Variants in KHDRBS3 observed in about 807,000 individuals in gnomAD.
KHDRBS3 encodes the protein KH RNA binding domain containing, signal transduction associated 3.
In KHDRBS3, 23 loss-of-function variants were observed where a neutral mutation model predicts 45.6. That is an observed-to-expected ratio of 0.50 (90% CI 0.36 to 0.72). The LOEUF (loss-of-function observed/expected upper bound fraction) is 0.72, where lower values mean the gene tolerates loss of function less well. Ranked by LOEUF, KHDRBS3 falls within the 30% of genes least tolerant of loss-of-function variation. KHDRBS3 has a pLI of 0.00. For synonymous variants in KHDRBS3, 162 were observed against 156.5 expected (o/e 1.04, Z -0.26); for missense variants, 352 against 424.8 (o/e 0.83, Z 1.51).
chr8:135,620,224 C>T (rs1035423986), intron 7 of KHDRBS3, among the ~76,000 whole-genome samples: 14 of 152,066 alleles, frequency 9.2e-5, no homozygotes, highest in African/African-American at 2.4e-4. Context: ...AGGCACGAGA[C>T]GGTGCCACTG....
chr8:135,524,383 G>A (rs1173545413), intron 2 of KHDRBS3, among the ~76,000 whole-genome samples: 1 of 152,190 alleles, frequency 6.6e-6, no homozygotes, highest in African/African-American at 2.4e-5. Flanking sequence ...GACTTGGGAA[G>A]TGTTTCTTTC....
chr8:135,609,091 C>T (rs1023560246), intron 7 of KHDRBS3, among the ~76,000 whole-genome samples: 8 of 152,140 alleles, frequency 5.3e-5, no homozygotes, highest in Non-Finnish European at 1.2e-4. Flanking sequence ...TTAGGCTACA[C>T]TCAATTTATT....
chr8:135,493,147 G>A (rs902918534), intron 1 of KHDRBS3, among the ~76,000 whole-genome samples: 3 of 151,282 alleles, frequency 2.0e-5, no homozygotes, highest in African/African-American at 7.3e-5. Context: ...GCACGATCTC[G>A]GCTCACTGCA....
intron 7 of KHDRBS3, among the ~76,000 whole-genome samples, chr8:135,644,707 T>C (rs1332082692): frequency 6.6e-6 from 1 of 152,224 alleles, no homozygotes; most frequent in Non-Finnish European, 1.5e-5. Flanking sequence ...GCTAGAATTG[T>C]CCACACACAT....
At chr8:135,491,681 G>A (rs1020882401) in intron 1 of KHDRBS3, among the ~76,000 whole-genome samples, 1 of 152,190 alleles carries the variant, frequency 6.6e-6, no homozygotes, top group African/African-American at 2.4e-5. Context: ...GTGGTTCTCA[G>A]TGTGTCATTC....
chr8:135,655,800 C>T (rs189580470), intron 4 of KHDRBS3, among the ~76,000 whole-genome samples: 234 of 152,210 alleles, frequency 1.5e-3, no homozygotes, highest in African/African-American at 5.5e-3. Context: ...TTTCGTATGA[C>T]ACATCAAAAT....
At chr8:135,642,468 AT>A (rs538415868) in intron 7 of KHDRBS3, among the ~76,000 whole-genome samples, 2 of 152,206 alleles carry the variant, frequency 1.3e-5, no homozygotes, top group South Asian at 4.2e-4. Flanking sequence ...TTTCTTCTAA[AT>A]TTTTTTAGGA....
At chr8:135,521,141 T>C in intron 1 of KHDRBS3, 96 bp from the exon 2 acceptor site, 1 of 714,556 alleles carries the variant, frequency 1.4e-6, no homozygotes, top group Non-Finnish European at 2.5e-6. Context: ...CATACTTCAG[T>C]AGTAGTTGAT....
At chr8:135,487,687 A>G (rs1245405253) in intron 1 of KHDRBS3, among the ~76,000 whole-genome samples, 3 of 152,322 alleles carry the variant, frequency 2.0e-5, no homozygotes, top group South Asian at 2.1e-4. Context: ...GGGAGACAGG[A>G]TAATAGCACA....
At chr8:135,631,241 A>G (rs1254470695) in intron 7 of KHDRBS3, among the ~76,000 whole-genome samples, 7 of 113,978 alleles carry the variant, frequency 6.1e-5, no homozygotes, top group Non-Finnish European at 1.2e-4. Flanking sequence ...ACAGAGCGAG[A>G]CTCCGTCTCG....
chr8:135,560,794 C>T (rs976908950), intron 5 of KHDRBS3, among the ~76,000 whole-genome samples: 9 of 152,086 alleles, frequency 5.9e-5, no homozygotes, highest in African/African-American at 2.2e-4. Flanking sequence ...ATTTTAGACC[C>T]TAGTTTCAGT....
At chr8:135,584,945 C>T (rs113993896) in intron 6 of KHDRBS3, among the ~76,000 whole-genome samples, 89 of 151,932 alleles carry the variant, frequency 5.9e-4, no homozygotes, top group African/African-American at 1.9e-3. Context: ...ATGTTGGGCT[C>T]GGCACGATGC....
intron 1 of KHDRBS3, among the ~76,000 whole-genome samples, chr8:135,459,640 T>A (rs1455464): frequency 0.8 from 121,940 of 152,204 alleles, 49,359 homozygotes; most frequent in East Asian, 0.96. Flanking sequence ...CCTAATAAAG[T>A]AGCTGAATCA....
intron 1 of KHDRBS3, among the ~76,000 whole-genome samples, chr8:135,494,272 T>TC (rs1823305783): frequency 9.4e-6 from 1 of 106,510 alleles, no homozygotes; most frequent in Admixed American, 1.1e-4. Context: ...CTGTTTCTCT[T>TC]ATTTTTTTTT....
chr8:135,592,036 A>G (rs1309878183), intron 6 of KHDRBS3, among the ~76,000 whole-genome samples: 1 of 152,190 alleles, frequency 6.6e-6, no homozygotes, highest in East Asian at 1.9e-4. Flanking sequence ...TTTATTTTAG[A>G]TAAAAAGATG....
chr8:135,515,652 A>G (rs953502443), intron 1 of KHDRBS3, among the ~76,000 whole-genome samples: 1 of 152,066 alleles, frequency 6.6e-6, no homozygotes, highest in Non-Finnish European at 1.5e-5. Flanking sequence ...CTCAAAGTGT[A>G]TATTTGCTTT....
At chr8:135,573,990 TC>T (rs1181242496) in intron 5 of KHDRBS3, among the ~76,000 whole-genome samples, 1 of 152,258 alleles carries the variant, frequency 6.6e-6, no homozygotes, top group Non-Finnish European at 1.5e-5. Context: ...GATCTGCTTT[TC>T]TGTTTTTAAA....
At chr8:135,646,133 A>G (rs1475950512) in intron 8 of KHDRBS3, among the ~76,000 whole-genome samples, 1 of 151,890 alleles carries the variant, frequency 6.6e-6, no homozygotes, top group Non-Finnish European at 1.5e-5. Flanking sequence ...TTTTGTATCA[A>G]AAGAAGAGGT....
At chr8:135,540,123 TTAAAA>T (rs1453653684) in intron 2 of KHDRBS3, 3 of 152,100 alleles carry the variant, frequency 2.0e-5, no homozygotes, top group African/African-American at 7.2e-5. Flanking sequence ...TTGAAACCTA[TTAAAA>T]TAAATATAAA....
Sources: gnomAD v4.1 joint callset for allele counts (sites outside exome capture counted in the v4.1 genomes callset) on GRCh38, gnomAD v4.1.1 for gene constraint, MANE v1.5 for transcripts, NCBI Gene and HGNC (gene_info 2026-07-23, HGNC 2026-07-21) for gene names.